RUFY3: variants seen among roughly 807,000 people sequenced by gnomAD.
RUFY3 encodes protein RUFY3.
A neutral mutation model predicts 84.0 loss-of-function variants in RUFY3; 34 were observed. The ratio of observed to expected loss-of-function variants is 0.40; its 90% CI spans 0.31 to 0.54. The LOEUF is 0.54. Among genes scored for constraint, RUFY3 ranks in the 20% least tolerant of loss-of-function variants. The probability of loss-of-function intolerance (pLI) is 0.39; values close to 1 mark genes in which losing one functional copy is unlikely to be tolerated. For missense variants in RUFY3, 507 were observed against 736.8 expected, an observed-to-expected ratio of 0.69 and a Z score of 3.61; for synonymous variants, 242 against 252.9, an observed-to-expected ratio of 0.96 and a Z score of 0.41.
intron 1 of RUFY3, among the ~76,000 whole-genome samples, chr4:70,744,665 T>C (rs1207676982): frequency 6.6e-6 from 1 of 150,556 alleles, no homozygotes; most frequent in African/African-American, 2.4e-5. Context: ...TTTTTTTTTT[T>C]TTTTTTGAGA....
At chr4:70,774,614 C>CAAAAA (rs1172638290) in intron 6 of RUFY3, among the ~76,000 whole-genome samples, 17 of 22,092 alleles carry the variant, frequency 7.7e-4, no homozygotes, top group Non-Finnish European at 9.1e-4. Context: ...GACTCTGCCT[C>CAAAAA]AAAAAAAAAA....
At chr4:70,725,138 C>T (rs956311668) in intron 1 of RUFY3, among the ~76,000 whole-genome samples, 1 of 152,184 alleles carries the variant, frequency 6.6e-6, no homozygotes, top group Non-Finnish European at 1.5e-5. Flanking sequence ...GCAATAGAGG[C>T]TCTGTGGCTT....
chr4:70,793,075 T>A lies in RUFY3; in HGVS notation c.1338-710T>A, dbSNP rs1269315373. The A allele has an allele frequency of 5.1e-6, 5 of 985,286 alleles. No individual in the cohort carries two copies. In the African/African-American group the frequency reaches 8.7e-5, roughly 17 times the overall value. 61.0% of individuals were successfully genotyped at this position (985,286 alleles called of 1,614,324 possible). A position where few individuals can be genotyped will look rare whatever the true frequency, so the allele number is the denominator to read the frequency against. ...AACATGCTTCTCTATAGGTGCAAAG[T>A]TATAAGATATGTAGAAGAAAACATC... On this transcript the variant is annotated intron_variant, in intron 12 of 17. Coordinates refer to ENST00000381006, the MANE Select transcript of RUFY3 (RefSeq NM_001037442.4).
Position 70,755,635 on chromosome 4 carries a change from A to G in RUFY3, c.179-6884A>G, listed in dbSNP as rs1560500311. Among the ~76,000 whole-genome samples, 3 of 152,318 alleles carry G rather than the reference A, an allele frequency of 2.0e-5. No homozygotes were observed. The East Asian group carries it at 5.8e-4, about 29-fold the overall frequency. On this transcript the variant is annotated intron_variant, in intron 1 of 17. Transcript: ENST00000381006. ...GAAATTAGCAGTCTTGAAGAGATAC[A>G]GTGAAGAATCACATGCTTTTTGAAA...
Position 70,775,944 on chromosome 4 carries a change from C to CAA in RUFY3, c.824+723_824+724dup, listed in dbSNP as rs11369578. Among the ~76,000 whole-genome samples the CAA allele has an allele frequency of 8.1e-3, 1,072 of 132,142 alleles. 10 individuals carry two copies. Among genetic ancestry groups the CAA allele is most frequent in the Non-Finnish European group, 0.011 (723 of 65,034 alleles). 86.7% of individuals were successfully genotyped at this position (132,142 alleles called of 152,430 possible). A position where few individuals can be genotyped will look rare whatever the true frequency, so the allele number is the denominator to read the frequency against. ...TTACAGAGCGAGACACTGTCTTAAA[C>CAA]AAAAAAAAAAAAACGAAAAAAAAGA... On this transcript the variant is annotated intron_variant, in intron 7 of 17. Transcript: ENST00000381006.
rs553759769 is a variant in RUFY3 at position 70,787,557 on chromosome 4, G to A, written c.1072-1249G>A. Among the ~76,000 whole-genome samples, 4 of 151,898 alleles carry A rather than the reference G, an allele frequency of 2.6e-5. No homozygotes were observed. The East Asian group carries it at 5.8e-4, about 22-fold the overall frequency. On this transcript the variant is annotated intron_variant, in intron 10 of 17. Transcript: ENST00000381006. ...ATTACAGGTGTGAGCCATCACACCCGGCCAGAATTTCAGATTTTTTGAAAA... is the reference window on the plus strand; with the variant it reads ...ATTACAGGTGTGAGCCATCACACCCAGCCAGAATTTCAGATTTTTTGAAAA...
At chr4:70,775,892 G>T (rs1471027184) in intron 7 of RUFY3, among the ~76,000 whole-genome samples, 1 of 148,358 alleles carries the variant, frequency 6.7e-6, no homozygotes. Context: ...AGTGAACCCT[G>T]GTCTTGCCAT....
intron 1 of RUFY3, among the ~76,000 whole-genome samples, chr4:70,760,498 G>A (rs1724832745): frequency 1.3e-5 from 2 of 151,866 alleles, no homozygotes; most frequent in South Asian, 4.1e-4. Flanking sequence ...ATTGGGAGGT[G>A]TCAGGTGGGA....
chr4:70,755,309 T>C lies in RUFY3; in HGVS notation c.179-7210T>C, dbSNP rs1308824824. Among the ~76,000 whole-genome samples, 4 of 152,244 alleles carry C rather than the reference T, an allele frequency of 2.6e-5. No individual in the cohort carries two copies. The East Asian group carries it at 7.7e-4, about 29-fold the overall frequency. On this transcript the variant is annotated intron_variant, in intron 1 of 17. Coordinates refer to ENST00000381006, the MANE Select transcript of RUFY3 (RefSeq NM_001037442.4). ...AGAAAATTCTGAAGAATAACTATGA[T>C]TGTGCTACATATTAATATCAATTAT...
intron 1 of RUFY3, among the ~76,000 whole-genome samples, chr4:70,723,411 A>G (rs1325782905): frequency 6.6e-6 from 1 of 152,240 alleles, no homozygotes; most frequent in African/African-American, 2.4e-5. Flanking sequence ...TAGAATGGTA[A>G]TATTGGAATC....
At chr4:70,780,227 C>G (rs942207982) in intron 8 of RUFY3, among the ~76,000 whole-genome samples, 3 of 152,084 alleles carry the variant, frequency 2.0e-5, no homozygotes, top group African/African-American at 7.2e-5. Context: ...TAAAGTTAGG[C>G]TACTTGGGTT....
At chr4:70,756,352 G>T (rs2148687219) in intron 1 of RUFY3, among the ~76,000 whole-genome samples, 1 of 152,226 alleles carries the variant, frequency 6.6e-6, no homozygotes, top group East Asian at 1.9e-4. Flanking sequence ...TGCAAGAATG[G>T]CTTCTCTAAA....
At position 70,722,571 on chromosome 4, in the gene RUFY3, A is replaced by G. The variant is rs765532895; in HGVS notation, c.-3A>G. The G allele has an allele frequency of 1.9e-6, 3 of 1,611,690 alleles. No individual in the cohort carries two copies. The highest frequency in any genetic ancestry group is 2.7e-5 in the African/African-American group (2 of 74,706). ...TGTGTGTTGTGGTCCCAGCTGAGTC[A>G]TCATGTCTGCTCTGACGCCTCCGAC... On this transcript the variant is annotated 5_prime_UTR_variant, in exon 1 of 18. Transcript: ENST00000381006.
In RUFY3 at chr4:70,805,850, A is replaced by G. The variant is rs564058368; in HGVS notation, c.1720-666A>G. ...GAAATTATTCTTTACAGCTTTTTATATAGGACCCTTGGAGCTTTGTGTATA... is the reference window on the plus strand; with the variant it reads ...GAAATTATTCTTTACAGCTTTTTATGTAGGACCCTTGGAGCTTTGTGTATA... On this transcript the variant is annotated intron_variant, in intron 17 of 17. Transcript: ENST00000381006. 8.4e-4 allele frequency among the ~76,000 whole-genome samples: 128 copies of G among 152,228 alleles called. 1 individual carries two copies. Among genetic ancestry groups the G allele is most frequent in the Non-Finnish European group, 1.6e-3 (107 of 68,036 alleles).
intron 1 of RUFY3, among the ~76,000 whole-genome samples, chr4:70,710,413 G>A (rs1444827253): frequency 1.4e-5 from 2 of 138,086 alleles, no homozygotes; most frequent in Non-Finnish European, 3.0e-5. Context: ...GCTCACGCCT[G>A]TAATCCCATC....
chr4:70,722,491 G>C lies in RUFY3; in HGVS notation c.-83G>C. 1 of 1,452,354 alleles carries C rather than the reference G, an allele frequency of 6.9e-7. No individual in the cohort carries two copies. Among genetic ancestry groups the C allele is most frequent in the Non-Finnish European group, 9.2e-7 (1 of 1,092,848 alleles). 90.0% of individuals were successfully genotyped at this position (1,452,354 alleles called of 1,614,324 possible). A position where few individuals can be genotyped will look rare whatever the true frequency, so the allele number is the denominator to read the frequency against. ...GAGCTTTGTATTGGGTTTTTTTGGT[G>C]AGGAGGTTGTATTTATTTTTTTGGT... On this transcript the variant is annotated 5_prime_UTR_variant, in exon 1 of 18. Coordinates refer to ENST00000381006, the MANE Select transcript of RUFY3 (RefSeq NM_001037442.4).
At chr4:70,782,048 A>G (rs551757478) in intron 8 of RUFY3, among the ~76,000 whole-genome samples, 13 of 152,298 alleles carry the variant, frequency 8.5e-5, no homozygotes, top group South Asian at 8.3e-4. Flanking sequence ...ATCTTTTAGC[A>G]TGAGAACTTT....
intron 1 of RUFY3, among the ~76,000 whole-genome samples, chr4:70,758,672 T>G (rs1724454413): frequency 6.6e-6 from 1 of 152,066 alleles, no homozygotes; most frequent in Admixed American, 6.6e-5. Flanking sequence ...GCATATCTCT[T>G]GCCTCAAACA....
upstream of RUFY3, among the ~76,000 whole-genome samples, chr4:70,721,307 GA>G (rs113467998): frequency 1.4e-5 from 2 of 146,404 alleles, no homozygotes; most frequent in African/African-American, 2.5e-5. Context: ...AAAGAAAAAA[GA>G]AAAAAAAAGA....
Sources: gnomAD v4.1 joint callset for allele counts (sites outside exome capture counted in the v4.1 genomes callset) on GRCh38, gnomAD v4.1.1 for gene constraint, MANE v1.5 for transcripts, NCBI Gene and HGNC (gene_info 2026-07-23, HGNC 2026-07-21) for gene names.